SHLD2: variants seen among roughly 807,000 people sequenced by gnomAD.
SHLD2 encodes the protein RINN1-REV7-interacting novel NHEJ regulator 2.
Under a neutral mutation model 73.2 loss-of-function variants are expected in SHLD2, and 30 were observed. The ratio of observed to expected loss-of-function variants is 0.41; its 90% CI spans 0.31 to 0.56. The LOEUF (loss-of-function observed/expected upper bound fraction) is 0.56, where lower values mean the gene tolerates loss of function less well. Ranked by LOEUF, SHLD2 falls within the 20% of genes least tolerant of loss-of-function variation. The probability of loss-of-function intolerance (pLI) is 0.28; values close to 1 mark genes in which losing one functional copy is unlikely to be tolerated. For missense variants in SHLD2, 745 were observed against 1,055.9 expected (o/e 0.71, Z 4.08); for synonymous variants, 285 against 370.1 (o/e 0.77, Z 2.64).
Position 87,115,699 on chromosome 10 carries a change from G to C in SHLD2, c.-6+18710G>C, listed in dbSNP as rs117795997. Among the ~76,000 whole-genome samples the C allele has an allele frequency of 3.9e-3, 589 of 152,272 alleles. 1 individual carries two copies. The highest frequency in any genetic ancestry group is 6.1e-3 in the Non-Finnish European group (417 of 68,036). ...TTGGAAGAGGACAAAAAATTGAGAC[G>C]ACAGTTTGAGGAGGATGAAAGGTCA... On this transcript the variant is annotated intron_variant, in intron 2 of 9. Coordinates refer to ENST00000298786, the MANE Select transcript of SHLD2 (RefSeq NM_001330112.2).
intron 2 of SHLD2, among the ~76,000 whole-genome samples, chr10:87,124,263 A>T (rs1843826714): frequency 6.6e-6 from 1 of 151,956 alleles, no homozygotes; most frequent in African/African-American, 2.4e-5. Flanking sequence ...GAGGCTATAC[A>T]CAGTGGCTCA....
chr10:87,151,650 C>T lies in SHLD2; in HGVS notation c.296C>T (p.Thr99Ile). Residue 99 changes from threonine to isoleucine, a missense_variant, in exon 3 of 10, where the codon ACA becomes ATA. Thr to Ile is a moderately conservative substitution (Grantham distance 89, BLOSUM62 -1). Around this residue, in one of 5 missense-constraint regions of SHLD2, gnomAD observed 280 missense variants for 353.9 expected, o/e 0.79. Transcript: ENST00000298786. ...KDDFVRSVSE[T>I]QNIESQKIHS... The stretch of plus-strand genomic sequence containing the variant: ...GACTTTGTACGTTCTGTTTCTGAAA[C>T]ACAGAATATAGAATCCCAGAAGATT... 1 of 1,611,640 alleles carries T rather than the reference C, an allele frequency of 6.2e-7. No homozygotes were observed. Among genetic ancestry groups the T allele is most frequent in the Non-Finnish European group, 8.5e-7 (1 of 1,179,614 alleles).
chr10:87,152,168 A>T lies in SHLD2; in HGVS notation c.814A>T (p.Met272Leu). Reference sequence around the variant, plus strand: ...TCCTGTAAATAAAGGGAATGTAAACATGGAGACTGAACCAAAGGCAAGTTA... The same window carrying T: ...TCCTGTAAATAAAGGGAATGTAAACTTGGAGACTGAACCAAAGGCAAGTTA... Reference protein sequence around the residue: ...RSPVNKGNVNMETEPKASYGE... With the variant: ...RSPVNKGNVNLETEPKASYGE... Residue 272 changes from methionine to leucine, a missense_variant, in exon 3 of 10, where the codon ATG (methionine) becomes TTG (leucine). Around this residue, in one of 5 missense-constraint regions of SHLD2, gnomAD observed 280 missense variants for 353.9 expected, o/e 0.79. Coordinates refer to ENST00000298786, the MANE Select transcript of SHLD2 (RefSeq NM_001330112.2). 6.2e-7 allele frequency: 1 copy of T among 1,608,496 alleles called. No individual in the cohort carries two copies.
intron 2 of SHLD2, among the ~76,000 whole-genome samples, chr10:87,139,939 A>G (rs1399888846): frequency 2.0e-5 from 3 of 152,256 alleles, no homozygotes; most frequent in African/African-American, 2.4e-5. Context: ...ACTGTGGAAA[A>G]AAAGATCATT....
chr10:87,122,744 A>G (rs1234433414), intron 2 of SHLD2, among the ~76,000 whole-genome samples: 2 of 152,176 alleles, frequency 1.3e-5, no homozygotes, highest in Admixed American at 6.6e-5. Context: ...TATCAAGTTA[A>G]CAATAAGGTG....
At chr10:87,189,097 A>C (rs1848843486) in intron 9 of SHLD2, among the ~76,000 whole-genome samples, 1 of 148,358 alleles carries the variant, frequency 6.7e-6, no homozygotes. Context: ...TGCCTCCTGG[A>C]TTCAAGCAAG....
chr10:87,142,206 G>T (rs1394393276), intron 2 of SHLD2, among the ~76,000 whole-genome samples: 1 of 152,100 alleles, frequency 6.6e-6, no homozygotes, highest in African/African-American at 2.4e-5. Flanking sequence ...AAGTTATAAT[G>T]AACTTTCTTA....
At chr10:87,131,900 TGTA>T (rs1014000410) in intron 2 of SHLD2, among the ~76,000 whole-genome samples, 5 of 152,234 alleles carry the variant, frequency 3.3e-5, no homozygotes, top group Non-Finnish European at 7.3e-5. Flanking sequence ...AAATTTTTAT[TGTA>T]GTCATTCTAG....
chr10:87,116,123 G>C (rs1010551444), intron 2 of SHLD2, among the ~76,000 whole-genome samples: 3 of 152,202 alleles, frequency 2.0e-5, no homozygotes, highest in Non-Finnish European at 4.4e-5. Flanking sequence ...GCCACCTTCT[G>C]TAGAACAGCT....
intron 2 of SHLD2, among the ~76,000 whole-genome samples, chr10:87,132,406 AAGTT>A (rs1419980431): frequency 1.3e-4 from 20 of 152,322 alleles, no homozygotes; most frequent in African/African-American, 4.8e-4. Context: ...AGCAGAAGTG[AAGTT>A]AGTTACACAA....
chr10:87,143,924 C>T (rs1217315938), intron 2 of SHLD2, among the ~76,000 whole-genome samples: 1 of 146,932 alleles, frequency 6.8e-6, no homozygotes, highest in Non-Finnish European at 1.5e-5. Context: ...AGTACAGTGA[C>T]GCGATCTTGG....
chr10:87,138,370 A>AAAG (rs1032256414), intron 2 of SHLD2, among the ~76,000 whole-genome samples: 1 of 151,546 alleles, frequency 6.6e-6, no homozygotes, highest in African/African-American at 2.4e-5. Flanking sequence ...TAAAGAGCTG[A>AAAG]AAGAAAAAAA....
Position 87,190,566 on chromosome 10 carries a change from A to T in SHLD2, c.2598A>T (p.Val866=), listed in dbSNP as rs1003224351. ...TGGCAGTCAGCGCAGAACCTTGTGT[A>T]TTAAAGATTCAGAGCCTTTTTGTGT... The part of the protein sequence containing the change: ...SLLAVSAEPC[V]LKIQSLFVLD... Residue 866 remains valine, a synonymous_variant, in exon 10 of 10, where the codon GTA becomes GTT. Coordinates refer to ENST00000298786, the MANE Select transcript of SHLD2 (RefSeq NM_001330112.2). 8 of 1,611,988 alleles carry T rather than the reference A, an allele frequency of 5.0e-6. No individual in the cohort carries two copies. The highest frequency in any genetic ancestry group is 5.9e-6 in the Non-Finnish European group (7 of 1,179,838).
intron 8 of SHLD2, among the ~76,000 whole-genome samples, chr10:87,185,294 T>A (rs994204556): frequency 2.0e-5 from 3 of 151,844 alleles, no homozygotes; most frequent in Non-Finnish European, 4.4e-5. Flanking sequence ...ATATACCACA[T>A]TTTATTTATC....
chr10:87,100,479 G>GT (rs140323729), intron 2 of SHLD2, among the ~76,000 whole-genome samples: 16,529 of 138,506 alleles, frequency 0.12, 939 homozygotes, highest in Admixed American at 0.16. Flanking sequence ...GATTACGCCA[G>GT]TTTTTTTTTT....
chr10:87,160,482 A>T (rs550150143), intron 4 of SHLD2, among the ~76,000 whole-genome samples: 20 of 152,158 alleles, frequency 1.3e-4, no homozygotes, highest in African/African-American at 3.1e-4. Flanking sequence ...TCTCAAAAAA[A>T]TTTTTTTTCT....
chr10:87,130,175 G>A lies in SHLD2; in HGVS notation c.-5-21175G>A, dbSNP rs188726456. Among the ~76,000 whole-genome samples the A allele has an allele frequency of 5.6e-4, 85 of 152,154 alleles. 1 individual carries two copies. The highest frequency in any genetic ancestry group is 1.9e-3 in the African/African-American group (80 of 41,514). Reference sequence around the variant, plus strand: ...TCTAAAAGCTGATTGGAAGCTCTTAGTACCTCATTGGTACTTGTTGAGTAG... The same window carrying A: ...TCTAAAAGCTGATTGGAAGCTCTTAATACCTCATTGGTACTTGTTGAGTAG... On this transcript the variant is annotated intron_variant, in intron 2 of 9. Transcript: ENST00000298786.
In SHLD2 at chr10:87,151,954, A is replaced by G. The variant is rs370891814; in HGVS notation, c.600A>G (p.Pro200=). 9.8e-4 allele frequency: 1,579 copies of G among 1,611,888 alleles called. 8 individuals are homozygous for G. In the African/African-American group the frequency reaches 0.012, roughly 13 times the overall value. ...GPEVVQRECV[P]TEYHEIQNQC... is the part of the protein sequence containing the mutation. ...AAGTGGTACAAAGAGAGTGTGTGCCAACAGAATATCATGAAATACAAAACC... is the reference window on the plus strand; with the variant it reads ...AAGTGGTACAAAGAGAGTGTGTGCCGACAGAATATCATGAAATACAAAACC... Residue 200 remains proline, a synonymous_variant, in exon 3 of 10, where the codon CCA becomes CCG. Coordinates refer to ENST00000298786, the MANE Select transcript of SHLD2 (RefSeq NM_001330112.2).
At chr10:87,099,285 T>G (rs1037729306) in intron 2 of SHLD2, among the ~76,000 whole-genome samples, 3 of 152,232 alleles carry the variant, frequency 2.0e-5, no homozygotes, top group Non-Finnish European at 2.9e-5. Flanking sequence ...ATTGTTAGGA[T>G]TTAGAAAAAC....
Sources: gnomAD v4.1 joint callset for allele counts (sites outside exome capture counted in the v4.1 genomes callset) on GRCh38, gnomAD v4.1.1 for gene constraint, gnomAD v4.1.1 regional missense constraint, MANE v1.5 for transcripts, NCBI Gene and HGNC (gene_info 2026-07-23, HGNC 2026-07-21) for gene names.